ARIH1: variants seen among roughly 807,000 people sequenced by gnomAD.
ARIH1 encodes E3 ubiquitin-protein ligase ARIH1.
In ARIH1, 8 loss-of-function variants were observed where a neutral mutation model predicts 85.0. That is an observed-to-expected ratio of 0.09 (90% CI 0.06 to 0.17). The LOEUF (loss-of-function observed/expected upper bound fraction) is 0.17, where lower values mean the gene tolerates loss of function less well. Among genes scored for constraint, ARIH1 ranks in the 10% least tolerant of loss-of-function variants. The probability of loss-of-function intolerance (pLI) is 1.00; values close to 1 mark genes in which losing one functional copy is unlikely to be tolerated. For missense variants in ARIH1, 311 were observed against 718.1 expected (o/e 0.43, Z 6.48); for synonymous variants, 238 against 253.6 (o/e 0.94, Z 0.59).
chr15:72,595,962 A>T lies in ARIH1; in HGVS notation c.*12670A>T, dbSNP rs2064362123. On this transcript the variant is annotated 3_prime_UTR_variant, in exon 14 of 14. Transcript: ENST00000379887. ...CAGCCTCCCAAGTAAGTGGGATTAT[A>T]GGCACATGTCACCAAGCTCAGCTAA... 6.6e-6 allele frequency: 1 copy of T among 152,022 alleles called. No individual in the cohort carries two copies. Among genetic ancestry groups the T allele is most frequent in the African/African-American group, 2.4e-5 (1 of 41,384 alleles). The allele number at this position is 152,022 out of a possible 1,614,324, so 9.4% of individuals were successfully genotyped here.
At chr15:72,491,339 C>G (rs544458059) in intron 1 of ARIH1, among the ~76,000 whole-genome samples, 3 of 144,602 alleles carry the variant, frequency 2.1e-5, no homozygotes, top group Non-Finnish European at 4.5e-5. Context: ...TACTTCATGA[C>G]CCACTGTAAA....
At chr15:72,535,354 G>A (rs191563117) in intron 2 of ARIH1, among the ~76,000 whole-genome samples, 5 of 152,244 alleles carry the variant, frequency 3.3e-5, no homozygotes, top group African/African-American at 1.2e-4. Context: ...ATGCTAAGTA[G>A]CATGTCATAC....
rs964440321 is a variant in ARIH1 at position 72,479,429 on chromosome 15, C to T, written c.375+4415C>T. Among the ~76,000 whole-genome samples, 11 of 150,326 alleles carry T rather than the reference C, an allele frequency of 7.3e-5. No homozygotes were observed. In the East Asian group the frequency reaches 9.7e-4, roughly 13 times the overall value. On this transcript the variant is annotated intron_variant, in intron 1 of 13. Coordinates refer to ENST00000379887, the MANE Select transcript of ARIH1 (RefSeq NM_005744.5). ...AAATAACTTTTTTTTTTTTTGGAGA[C>T]GGAGTCTTGCTCTGTTGCCAGGCTG...
At chr15:72,528,862 CAA>C (rs543663999) in intron 2 of ARIH1, among the ~76,000 whole-genome samples, 1 of 151,796 alleles carries the variant, frequency 6.6e-6, no homozygotes, top group Non-Finnish European at 1.5e-5. Context: ...AGACAAAAAA[CAA>C]AAAACAATTC....
rs1349201048 is a variant in ARIH1, at chr15:72,598,575, G to A, written c.*15283G>A. The A allele has an allele frequency of 1.3e-5, 2 of 151,874 alleles. No individual in the cohort carries two copies. Among genetic ancestry groups the A allele is most frequent in the East Asian group, 1.9e-4 (1 of 5,134 alleles). 9.4% of individuals were successfully genotyped at this position (151,874 alleles called of 1,614,324 possible). The stretch of plus-strand genomic sequence containing the variant: ...CTAAAAATACTAAAATTAGCCAGGT[G>A]TGGTGGTGGGCGCCTGTAATCCCAG... On this transcript the variant is annotated 3_prime_UTR_variant, in exon 14 of 14. Coordinates refer to ENST00000379887, the MANE Select transcript of ARIH1 (RefSeq NM_005744.5).
chr15:72,565,532 A>C (rs2064215586), intron 7 of ARIH1, among the ~76,000 whole-genome samples: 1 of 152,240 alleles, frequency 6.6e-6, no homozygotes, highest in Non-Finnish European at 1.5e-5. Context: ...AGAGCAGGTA[A>C]GCTCACAGAG....
At chr15:72,479,882 G>A (rs916902375) in intron 1 of ARIH1, among the ~76,000 whole-genome samples, 2 of 141,168 alleles carry the variant, frequency 1.4e-5, no homozygotes, top group South Asian at 2.2e-4. Context: ...TTTTTTTTTC[G>A]TTTGAGACGG....
intron 1 of ARIH1, among the ~76,000 whole-genome samples, chr15:72,477,865 G>A (rs915204616): frequency 6.6e-6 from 1 of 151,970 alleles, no homozygotes; most frequent in Non-Finnish European, 1.5e-5. Context: ...TAGTGCAGTC[G>A]CGTGATCTCA....
At chr15:72,568,400 A>T (rs558238064) in intron 9 of ARIH1, among the ~76,000 whole-genome samples, 44 of 152,316 alleles carry the variant, frequency 2.9e-4, no homozygotes, top group African/African-American at 1.1e-3. Context: ...TAAATTGTTT[A>T]ATTAAATGGT....
At chr15:72,506,351 C>CAAAAAAAAAAAAAAAAAAAAAA (rs71134002) in intron 1 of ARIH1, among the ~76,000 whole-genome samples, 20 of 73,038 alleles carry the variant, frequency 2.7e-4, no homozygotes, top group Admixed American at 7.1e-4. Flanking sequence ...CTCCGTCTCA[C>CAAAAAAAAAAAAAAAAAAAAAA]AAAAAAAAAA....
chr15:72,481,639 T>TA (rs1266928574), intron 1 of ARIH1, among the ~76,000 whole-genome samples: 1 of 151,956 alleles, frequency 6.6e-6, no homozygotes, highest in East Asian at 1.9e-4. Context: ...TGAGCTGAGA[T>TA]AGTGTCACTG....
rs2064308518 is a variant in ARIH1 at position 72,584,646 on chromosome 15, T to C, written c.*1354T>C. 6.6e-6 allele frequency: 1 copy of C among 152,138 alleles called. No homozygotes were observed. The highest frequency in any genetic ancestry group is 1.5e-5 in the Non-Finnish European group (1 of 68,018). The allele number at this position is 152,138 out of a possible 1,614,324, so 9.4% of individuals were successfully genotyped here. On this transcript the variant is annotated 3_prime_UTR_variant, in exon 14 of 14. Transcript: ENST00000379887. Reference sequence around the variant, plus strand: ...AGGCAAACACCCCTAGAACATGATATTCCCATCTAGTGCATTTAAATAGAA... The same window carrying C: ...AGGCAAACACCCCTAGAACATGATACTCCCATCTAGTGCATTTAAATAGAA...
chr15:72,566,641 G>T (rs1444979065), intron 8 of ARIH1, 36 bp downstream of exon 8: 2 of 1,565,250 alleles, frequency 1.3e-6, no homozygotes, highest in Non-Finnish European at 1.8e-6. Context: ...TTAAATAATG[G>T]CACACTTCTA....
intron 9 of ARIH1, among the ~76,000 whole-genome samples, chr15:72,568,317 GT>G (rs2064229761): frequency 6.6e-6 from 1 of 152,072 alleles, no homozygotes; most frequent in Non-Finnish European, 1.5e-5. Flanking sequence ...CACAAGAAAT[GT>G]TCCTTAAGTC....
At chr15:72,530,013 C>T (rs866081023) in intron 2 of ARIH1, among the ~76,000 whole-genome samples, 1 of 152,046 alleles carries the variant, frequency 6.6e-6, no homozygotes, top group Non-Finnish European at 1.5e-5. Flanking sequence ...GCTGTTTTAA[C>T]TATCCAGGTA....
At chr15:72,562,890 C>T (rs2064203085) in intron 6 of ARIH1, among the ~76,000 whole-genome samples, 1 of 80,328 alleles carries the variant, frequency 1.2e-5, no homozygotes, top group South Asian at 7.0e-4. Context: ...AGGGATCAGT[C>T]ATCTTTAAAA....
chr15:72,474,787 C>A lies in ARIH1; in HGVS notation c.148C>A (p.Pro50Thr). ...LDLGEVELVE[P>T]GLGVGGERDG... ...TCTGGGCGAGGTGGAGCTGGTGGAGCCCGGGCTGGGCGTCGGCGGGGAGCG... is the reference window on the plus strand; with the variant it reads ...TCTGGGCGAGGTGGAGCTGGTGGAGACCGGGCTGGGCGTCGGCGGGGAGCG... The change falls in exon 1 of 14, where the codon CCC (proline) becomes ACC (threonine). Residue 50 changes from proline (P) to threonine (T), a missense_variant. By Grantham distance (38) the Pro-to-Thr change is conservative. Coordinates refer to ENST00000379887, the MANE Select transcript of ARIH1 (RefSeq NM_005744.5). 6.6e-7 allele frequency: 1 copy of A among 1,513,324 alleles called. No individual in the cohort carries two copies. Among genetic ancestry groups the A allele is most frequent in the Non-Finnish European group, 8.9e-7 (1 of 1,127,584 alleles). The allele number at this position is 1,513,324 out of a possible 1,614,324, so 93.7% of individuals were successfully genotyped here. A position where few individuals can be genotyped will look rare whatever the true frequency, so the allele number is the denominator to read the frequency against.
chr15:72,566,482 T>C, intron 7 of ARIH1, 81 bp from the exon 8 acceptor site: 1 of 1,118,632 alleles, frequency 8.9e-7, no homozygotes, highest in Non-Finnish European at 1.4e-6. Context: ...TGTGGAACTA[T>C]AAGGCATGAA....
chr15:72,474,911 C>G lies in ARIH1; in HGVS notation c.272C>G (p.Pro91Arg). The G allele has an allele frequency of 6.9e-7, 1 of 1,458,462 alleles. No individual in the cohort carries two copies. The highest frequency in any genetic ancestry group is 9.1e-7 in the Non-Finnish European group (1 of 1,100,386). 90.3% of individuals were successfully genotyped at this position (1,458,462 alleles called of 1,614,324 possible). The change falls in exon 1 of 14, where the codon CCG becomes CGG. Residue 91 changes from proline to arginine, a missense_variant. Pro to Arg is a moderately radical substitution (Grantham distance 103). This residue lies in a region of ARIH1 where 157 missense variants were observed against 185.1 expected (regional missense o/e 0.85). Transcript: ENST00000379887. ...GGCGGCGGCGGTGGTGGTGGCGGGC[C>G]GGGGCATGAGCAGGAGGAGGATTAC... Reference protein sequence around the residue: ...GGGGGGGGGGPGHEQEEDYRY... With the variant: ...GGGGGGGGGGRGHEQEEDYRY...
Sources: gnomAD v4.1 joint callset for allele counts (sites outside exome capture counted in the v4.1 genomes callset) on GRCh38, gnomAD v4.1.1 for gene constraint, gnomAD v4.1.1 regional missense constraint, MANE v1.5 for transcripts, NCBI Gene and HGNC (gene_info 2026-07-23, HGNC 2026-07-21) for gene names.